Variants in TIGD7 observed in about 807,000 individuals in gnomAD.
The protein encoded by TIGD7 is tigger transposable element-derived protein 7.
In TIGD7, 26 loss-of-function variants were observed where a neutral mutation model predicts 24.8. That is an observed-to-expected ratio of 1.05 (90% CI 0.77 to 1.45). The LOEUF (loss-of-function observed/expected upper bound fraction) is 1.45. Ranked by LOEUF, TIGD7 falls within the 40% of genes most tolerant of loss-of-function variation. The pLI, the probability that TIGD7 is intolerant of heterozygous loss-of-function variation, is 0.00. For missense variants in TIGD7, 679 were observed against 641.6 expected (o/e 1.06, Z -0.63); for synonymous variants, 221 against 224.1 (o/e 0.99, Z 0.12).
chr16:3,302,418 A>G (rs1289487744), intron 1 of TIGD7, among the ~76,000 whole-genome samples: 4 of 152,020 alleles, frequency 2.6e-5, no homozygotes. Context: ...GAGCCACCAC[A>G]CCTGGCCCAT....
Position 3,300,462 on chromosome 16 carries a change from T to G in TIGD7, c.153A>C (p.Leu51Phe), listed in dbSNP as rs1157084570. ...TFYDIKKNKK[L>F]ILDFVLKQDM... ...CCTGCTTCAGTACAAAGTCCAGAAT[T>G]AACTTCTTATTTTTTTTAATGTCAT... is the stretch of plus-strand genomic sequence containing the variant. The change falls in exon 2 of 2, where the codon TTA becomes TTC. Residue 51 changes from leucine (L) to phenylalanine (F), a missense_variant. Leu to Phe is a conservative substitution (Grantham distance 22, BLOSUM62 0). Coordinates refer to ENST00000396862, the MANE Select transcript of TIGD7 (RefSeq NM_033208.4). 6.2e-7 allele frequency: 1 copy of G among 1,614,124 alleles called. No homozygotes were observed. The highest frequency in any genetic ancestry group is 8.5e-7 in the Non-Finnish European group (1 of 1,180,026).
rs1353867694 is a variant in TIGD7, at chr16:3,300,656, G to A, written c.-42C>T. On this transcript the variant is annotated 5_prime_UTR_variant, in exon 2 of 2. Transcript: ENST00000396862. ...AACCACCAACAGGAGAAAACAAAGGGAAAAGCCTTAATGAATTGGCAAAAA... is the reference window on the plus strand; with the variant it reads ...AACCACCAACAGGAGAAAACAAAGGAAAAAGCCTTAATGAATTGGCAAAAA... 2.6e-6 allele frequency: 4 copies of A among 1,516,828 alleles called. No homozygotes were observed. Among genetic ancestry groups the A allele is most frequent in the South Asian group, 1.4e-5 (1 of 72,904 alleles). The allele number at this position is 1,516,828 out of a possible 1,614,324, so 94.0% of individuals were successfully genotyped here. A position where few individuals can be genotyped will look rare whatever the true frequency, so the allele number is the denominator to read the frequency against.
At position 3,299,169 on chromosome 16, in the gene TIGD7, C is replaced by G; in HGVS notation, c.1446G>C (p.Glu482Asp). 6.4e-7 allele frequency: 1 copy of G among 1,566,304 alleles called. No homozygotes were observed. The highest frequency in any genetic ancestry group is 8.6e-7 in the Non-Finnish European group (1 of 1,159,734). The change falls in exon 2 of 2, where the codon GAG becomes GAC. Residue 482 changes from glutamate to aspartate, a missense_variant. By Grantham distance (45) the Glu-to-Asp change is conservative. Transcript: ENST00000396862. Reference sequence around the variant, plus strand: ...CAAAGTCAAGAAGGTAGTCCAAACTCTCTCTTACAGCAGATAATTTAAATT... The same window carrying G: ...CAAAGTCAAGAAGGTAGTCCAAACTGTCTCTTACAGCAGATAATTTAAATT... ...TAEFKLSAVRESLDYLLDFVD... is the reference protein window; with the variant it reads ...TAEFKLSAVRDSLDYLLDFVD...
chr16:3,302,674 C>T (rs1959973546), intron 1 of TIGD7, among the ~76,000 whole-genome samples: 1 of 152,078 alleles, frequency 6.6e-6, no homozygotes. Flanking sequence ...TTATCTCTTT[C>T]ACTTATAAAT....
chr16:3,302,263 G>A (rs923229248), intron 1 of TIGD7, among the ~76,000 whole-genome samples: 2 of 152,134 alleles, frequency 1.3e-5, no homozygotes, highest in African/African-American at 4.8e-5. Flanking sequence ...GAGTAGCTGG[G>A]ACTACAGGTG....
chr16:3,300,330 A>T lies in TIGD7; in HGVS notation c.285T>A (p.Gly95=), dbSNP rs761438067. 1 of 1,614,234 alleles carries T rather than the reference A, an allele frequency of 6.2e-7. No homozygotes were observed. Among genetic ancestry groups the T allele is most frequent in the Non-Finnish European group, 8.5e-7 (1 of 1,180,048 alleles). Residue 95 remains glycine, a synonymous_variant, in exon 2 of 2, where the codon GGT becomes GGA. Coordinates refer to ENST00000396862, the MANE Select transcript of TIGD7 (RefSeq NM_033208.4). The part of the protein sequence containing the change: ...YMWYQQKRSA[G]VPVRGVELQA... ...GAAGCTCCACGCCTCTTACCGGAAC[A>T]CCGGCTGAGCGTTTCTGTTGGTACC...
Position 3,300,006 on chromosome 16 carries a change from C to T in TIGD7, c.609G>A (p.Lys203=), listed in dbSNP as rs981546305. The change falls in exon 2 of 2, where the codon AAG becomes AAA. Residue 203 remains lysine (K), a synonymous_variant. Transcript: ENST00000396862. ...ASRKDICLPG[K]KINKERLSAF... ...CAGACAACCTTTCTTTGTTTATTTT[C>T]TTCCCTGGTAGGCAGATATCTTTCC... 1.9e-6 allele frequency: 3 copies of T among 1,614,136 alleles called. No individual in the cohort carries two copies. Among genetic ancestry groups the T allele is most frequent in the Non-Finnish European group, 2.5e-6 (3 of 1,180,022 alleles).
In TIGD7 at chr16:3,299,654, G is replaced by A; in HGVS notation, c.961C>T (p.His321Tyr). 2 of 1,559,614 alleles carry A rather than the reference G, an allele frequency of 1.3e-6. No homozygotes were observed. The highest frequency in any genetic ancestry group is 1.4e-5 in the African/African-American group (1 of 72,660). ...DGRIKCMFFP[H>Y]NTSTLIQPMN... ...GGTTGAATCAAGGTTGAAGTGTTAT[G>A]GGGGAAGAACATACATTTTATTCGA... The change falls in exon 2 of 2, where the codon CAT becomes TAT. Residue 321 changes from histidine to tyrosine, a missense_variant. Physicochemically the swap from His to Tyr is moderately conservative, Grantham distance 83. Transcript: ENST00000396862.
At chr16:3,304,204 A>G (rs1187360274) in intron 1 of TIGD7, among the ~76,000 whole-genome samples, 3 of 152,074 alleles carry the variant, frequency 2.0e-5, no homozygotes, top group Non-Finnish European at 4.4e-5. Context: ...TGCCACATAA[A>G]CTCGTTTTCT....
rs1959946786 is a variant in TIGD7, at chr16:3,301,862, A to T, written c.-1248T>A. On this transcript the variant is annotated 5_prime_UTR_variant, in exon 2 of 2. In the 5' UTR this introduces an upstream ATG that the reference lacks. Transcript: ENST00000396862. ...ACTCTTCTGTCCCTCTAGGCCCTCA[A>T]ATACTCTTTTCGGGTCCTCCTGGTG... 1.8e-5 allele frequency: 3 copies of T among 167,002 alleles called. No homozygotes were observed. Among genetic ancestry groups the T allele is most frequent in the Non-Finnish European group, 4.4e-5 (3 of 68,116 alleles). 10.3% of individuals were successfully genotyped at this position (167,002 alleles called of 1,614,324 possible). A position where few individuals can be genotyped will look rare whatever the true frequency, so the allele number is the denominator to read the frequency against.
chr16:3,304,854 G>T (rs1308215199), intron 1 of TIGD7: 1 of 152,328 alleles, frequency 6.6e-6, no homozygotes, highest in East Asian at 1.9e-4. Flanking sequence ...AAACGCAGAG[G>T]ATACCACAAC....
chr16:3,303,417 T>C (rs925498914), intron 1 of TIGD7, among the ~76,000 whole-genome samples: 2 of 152,212 alleles, frequency 1.3e-5, no homozygotes, highest in East Asian at 3.8e-4. Flanking sequence ...ACTTCACTTA[T>C]TCAACTTAAT....
At chr16:3,305,118 A>C (rs937218658) in intron 1 of TIGD7, 94 bp downstream of exon 1, 1 of 152,188 alleles carries the variant, frequency 6.6e-6, no homozygotes, top group Non-Finnish European at 1.5e-5. Flanking sequence ...TTCCTCGAGG[A>C]GGCGGCGACG....
At position 3,300,873 on chromosome 16, in the gene TIGD7, A is replaced by G. The variant is rs1392051224; in HGVS notation, c.-259T>C. ...TTGCTCCTGCAAGCCATGAGTGATC[A>G]TTTTTCAGAATGCCCCCTACCTCTC... On this transcript the variant is annotated 5_prime_UTR_variant, in exon 2 of 2. It removes an upstream start codon present in the reference 5' UTR. Coordinates refer to ENST00000396862, the MANE Select transcript of TIGD7 (RefSeq NM_033208.4). 5.8e-5 allele frequency: 22 copies of G among 378,824 alleles called. No homozygotes were observed. The highest frequency in any genetic ancestry group is 9.7e-5 in the Non-Finnish European group (20 of 206,368). 23.5% of individuals were successfully genotyped at this position (378,824 alleles called of 1,614,324 possible).
At chr16:3,303,503 C>G (rs1051514006) in intron 1 of TIGD7, among the ~76,000 whole-genome samples, 2 of 152,194 alleles carry the variant, frequency 1.3e-5, no homozygotes, top group African/African-American at 4.8e-5. Context: ...TCCACTGGTT[C>G]TGATAGACTG....
At position 3,300,081 on chromosome 16, in the gene TIGD7, AT is replaced by A. The variant is rs775834241; in HGVS notation, c.533del (p.Asp178ValfsTer28). The A allele has an allele frequency of 1.2e-6, 2 of 1,614,160 alleles. No individual in the cohort carries two copies. Among genetic ancestry groups the A allele is most frequent in the South Asian group, 2.2e-5 (2 of 91,082 alleles). The part of the protein sequence containing the change: ...KLCLAQLYSG[D>X]ETDLFWKSMP... ...TTGACTTCCAAAAGAGGTCTGTTTC[AT>A]CCCCACTGTATAGCTGAGCTAGACA... On this transcript the variant is annotated frameshift_variant, in exon 2 of 2. Transcript: ENST00000396862. LOFTEE classifies it high-confidence loss of function.
chr16:3,300,471 ATTTT>A lies in TIGD7; in HGVS notation c.140_143del (p.Lys47IlefsTer4). The A allele has an allele frequency of 6.2e-7, 1 of 1,613,230 alleles. No individual in the cohort carries two copies. The highest frequency in any genetic ancestry group is 8.5e-7 in the Non-Finnish European group (1 of 1,179,512). On this transcript the variant is annotated frameshift_variant, in exon 2 of 2. Coordinates refer to ENST00000396862, the MANE Select transcript of TIGD7 (RefSeq NM_033208.4). LOFTEE classifies it high-confidence loss of function. ...GTACAAAGTCCAGAATTAACTTCTT[ATTTT>A]TTTTAATGTCATAAAATGTTGACTT...
intron 1 of TIGD7, among the ~76,000 whole-genome samples, chr16:3,304,046 C>T (rs1325583933): frequency 6.6e-6 from 1 of 152,096 alleles, no homozygotes; most frequent in East Asian, 1.9e-4. Context: ...CCATGTTAGC[C>T]AGGATGGTCT....
rs1959928361 is a variant in TIGD7, at chr16:3,301,115, G to A, written c.-501C>T. On this transcript the variant is annotated 5_prime_UTR_variant, in exon 2 of 2. Transcript: ENST00000396862. ...CAATGACAGAGTAATCTTGTGTGTA[G>A]CAGAGATGCAATGTGGCTTCTCCCC... 1.2e-5 allele frequency: 2 copies of A among 168,080 alleles called. No homozygotes were observed. The highest frequency in any genetic ancestry group is 2.9e-5 in the Non-Finnish European group (2 of 68,916). 10.4% of individuals were successfully genotyped at this position (168,080 alleles called of 1,614,324 possible). A position where few individuals can be genotyped will look rare whatever the true frequency, so the allele number is the denominator to read the frequency against.
Sources: gnomAD v4.1 joint callset for allele counts (sites outside exome capture counted in the v4.1 genomes callset) on GRCh38, gnomAD v4.1.1 for gene constraint, MANE v1.5 for transcripts, NCBI Gene and HGNC (gene_info 2026-07-23, HGNC 2026-07-21) for gene names.